PLS3: variants seen among roughly 807,000 people sequenced by gnomAD.
The protein encoded by PLS3 is plastin-3.
In PLS3, 11 loss-of-function variants were observed where a neutral mutation model predicts 46.5. The ratio of observed to expected loss-of-function variants is 0.24; its 90% CI spans 0.15 to 0.39. PLS3 has a LOEUF of 0.39. Ranked by LOEUF, PLS3 falls within the 10% of genes least tolerant of loss-of-function variation. The probability of loss-of-function intolerance (pLI) is 1.00; values close to 1 mark genes in which losing one functional copy is unlikely to be tolerated. For missense variants in PLS3, 308 were observed against 461.8 expected (o/e 0.67, Z 3.05); for synonymous variants, 167 against 162.2 (o/e 1.03, Z -0.22).
chrX:115,646,783 C>A (rs2074955864), intron 13 of PLS3, among the ~76,000 whole-genome samples: 1 of 112,089 alleles, frequency 8.9e-6, no homozygotes, highest in African/African-American at 3.2e-5. Context: ...ACACAGATTT[C>A]GGCCTCGTTT....
chrX:115,585,549 C>T (rs982016778), intron 1 of PLS3, among the ~76,000 whole-genome samples: 14 of 109,776 alleles, frequency 1.3e-4, no homozygotes, highest in Non-Finnish European at 1.9e-4. Context: ...CGCCACCACG[C>T]CCAGCTAATT....
intron 1 of PLS3, among the ~76,000 whole-genome samples, chrX:115,588,392 C>T (rs1356621579): frequency 2.7e-5 from 3 of 112,043 alleles, no homozygotes; most frequent in African/African-American, 9.7e-5. Flanking sequence ...GATATGAAAA[C>T]CCAGCTTTCT....
intron 15 of PLS3, among the ~76,000 whole-genome samples, chrX:115,648,419 T>G (rs1239403159): frequency 9.0e-6 from 1 of 111,673 alleles, no homozygotes; most frequent in Non-Finnish European, 1.9e-5. Flanking sequence ...CATAGATCAT[T>G]CTTACTACAT....
Position 115,622,248 on chromosome X carries a change from C to G in PLS3, c.76C>G (p.Leu26Val). ...GCTTGCTCTCCTTTTTTACAAAGATCTCAACAGCAACGGATTCATTTGTGA... is the reference window on the plus strand; with the variant it reads ...GCTTGCTCTCCTTTTTTACAAAGATGTCAACAGCAACGGATTCATTTGTGA... ...ELKEAFAKVD[L>V]NSNGFICDYE... is the part of the protein sequence containing the mutation. The change falls in exon 3 of 16, where the codon CTC becomes GTC. Residue 26 changes from leucine to valine, a missense_variant and splice_region_variant. By Grantham distance (32) the Leu-to-Val change is conservative. Around this residue, in one of 2 missense-constraint regions of PLS3, gnomAD observed 37 missense variants for 26.1 expected, o/e 1.42. Coordinates refer to ENST00000355899, the MANE Select transcript of PLS3 (RefSeq NM_005032.7). The G allele has an allele frequency of 1.7e-6, 2 of 1,192,871 alleles. No individual in the cohort carries two copies. The highest frequency in any genetic ancestry group is 2.3e-6 in the Non-Finnish European group (2 of 887,393).
At chrX:115,586,493 A>T (rs1271136678) in intron 1 of PLS3, among the ~76,000 whole-genome samples, 1 of 95,006 alleles carries the variant, frequency 1.1e-5, no homozygotes, top group Non-Finnish European at 2.1e-5. Context: ...ACATAGTGAA[A>T]CCCGGTCTCT....
chrX:115,563,357 C>G (rs1413854558), intron 1 of PLS3, among the ~76,000 whole-genome samples: 1 of 111,454 alleles, frequency 9.0e-6, no homozygotes, highest in Admixed American at 9.6e-5. Flanking sequence ...GGGTTTTTGC[C>G]TGTCAGTGGT....
chrX:115,612,168 G>A (rs782066342), intron 2 of PLS3, among the ~76,000 whole-genome samples: 1 of 111,568 alleles, frequency 9.0e-6, no homozygotes, highest in Non-Finnish European at 1.9e-5. Context: ...GCCTTTTGAT[G>A]TACTGGGATT....
chrX:115,607,358 T>A (rs971788103), intron 1 of PLS3, among the ~76,000 whole-genome samples: 2 of 111,807 alleles, frequency 1.8e-5, no homozygotes, highest in Non-Finnish European at 3.8e-5. Context: ...GATCCTGAGA[T>A]TACTCTGAAA....
At chrX:115,561,685 C>T (rs1211058482) in intron 1 of PLS3, among the ~76,000 whole-genome samples, 1 of 111,137 alleles carries the variant, frequency 9.0e-6, no homozygotes, top group Non-Finnish European at 1.9e-5. Flanking sequence ...CAGCTACTGC[C>T]ATCCCCTCTT....
intron 8 of PLS3, 146 bp from the exon 9 acceptor site, chrX:115,640,262 G>C: frequency 1.6e-6 from 1 of 630,390 alleles, no homozygotes; most frequent in South Asian, 2.8e-5. Flanking sequence ...GACTTTTCTG[G>C]GGAAAACACC....
intron 1 of PLS3, among the ~76,000 whole-genome samples, chrX:115,577,075 A>G (rs782658778): frequency 1.8e-5 from 2 of 112,131 alleles, no homozygotes; most frequent in African/African-American, 3.2e-5. Flanking sequence ...TTCTCACTAT[A>G]TATTTAAACT....
At chrX:115,600,052 C>T (rs1161160286) in intron 1 of PLS3, among the ~76,000 whole-genome samples, 1 of 111,595 alleles carries the variant, frequency 9.0e-6, no homozygotes, top group Admixed American at 9.6e-5. Context: ...ACTCTACAGA[C>T]TTCTTAGCTT....
chrX:115,616,979 G>A (rs181427111), intron 2 of PLS3, among the ~76,000 whole-genome samples: 3 of 111,610 alleles, frequency 2.7e-5, no homozygotes, highest in East Asian at 2.8e-4. Flanking sequence ...AGAAGACGAC[G>A]CACATTCTTG....
rs2074989086 is a variant in PLS3, at chrX:115,650,184, C to A, written c.*623C>A. ...TTAAGAATATTTTGATTATATTAAA[C>A]AAGACTGCTGATTTTGCTACTTTTT... On this transcript the variant is annotated 3_prime_UTR_variant, in exon 16 of 16. Coordinates refer to ENST00000355899, the MANE Select transcript of PLS3 (RefSeq NM_005032.7). 8.9e-6 allele frequency: 1 copy of A among 111,850 alleles called. No individual in the cohort carries two copies. The highest frequency in any genetic ancestry group is 3.3e-5 in the African/African-American group (1 of 30,695). 9.2% of individuals were successfully genotyped at this position (111,850 alleles called of 1,213,427 possible).
At chrX:115,602,757 T>C (rs2074457129) in intron 1 of PLS3, among the ~76,000 whole-genome samples, 1 of 111,517 alleles carries the variant, frequency 9.0e-6, no homozygotes, top group African/African-American at 3.3e-5. Flanking sequence ...GCCCAGTCTC[T>C]GATTTAAGTA....
At chrX:115,643,921 G>A (rs977910691) in intron 10 of PLS3, among the ~76,000 whole-genome samples, 4 of 111,687 alleles carry the variant, frequency 3.6e-5, no homozygotes, top group Non-Finnish European at 7.5e-5. Flanking sequence ...ACAGTGAGCC[G>A]AGATCGCGCT....
rs782609866 is a variant in PLS3 at position 115,611,632 on chromosome X, A to C, written c.73+1309A>C. 2.7e-5 allele frequency among the ~76,000 whole-genome samples: 3 copies of C among 112,048 alleles called. No individual in the cohort carries two copies. In the South Asian group the frequency reaches 1.1e-3, roughly 42 times the overall value. ...TCAGAGTAGGCACCATGCCTTATTA[A>C]GTACTCATCTCCTCAAGTAAATGCT... On this transcript the variant is annotated intron_variant, in intron 2 of 15. Transcript: ENST00000355899.
At position 115,629,302 on chromosome X, in the gene PLS3, C is replaced by T. The variant is rs1556638914; in HGVS notation, c.342C>T (p.Ser114=). The T allele has an allele frequency of 1.4e-5, 17 of 1,202,425 alleles. No homozygotes were observed. Among genetic ancestry groups the T allele is most frequent in the East Asian group, 3.0e-5 (1 of 33,613 alleles). Reference sequence around the variant, plus strand: ...TGGGTGGAACTTCAGAGTTGTCCAGCGAAGGAACACAGCATTCTTACTCAG... The same window carrying T: ...TGGGTGGAACTTCAGAGTTGTCCAGTGAAGGAACACAGCATTCTTACTCAG... ...CALGGTSELS[S]EGTQHSYSEE... Residue 114 remains serine (S), a synonymous_variant, in exon 4 of 16, where the codon AGC becomes AGT. Transcript: ENST00000355899.
At chrX:115,637,900 C>T (rs1556640513) in intron 8 of PLS3, among the ~76,000 whole-genome samples, 1 of 111,481 alleles carries the variant, frequency 9.0e-6, no homozygotes, top group Non-Finnish European at 1.9e-5. Flanking sequence ...ACCAACTGAC[C>T]CTGCCCTCTC....
Sources: gnomAD v4.1 joint callset for allele counts (sites outside exome capture counted in the v4.1 genomes callset) on GRCh38, gnomAD v4.1.1 for gene constraint, gnomAD v4.1.1 regional missense constraint, MANE v1.5 for transcripts, NCBI Gene and HGNC (gene_info 2026-07-23, HGNC 2026-07-21) for gene names.